Variants in EXOC2 observed in about 807,000 individuals in gnomAD.
EXOC2 encodes SEC5-like 1.
Under a neutral mutation model 131.8 loss-of-function variants are expected in EXOC2, and 70 were observed. The ratio of observed to expected loss-of-function variants is 0.53; its 90% CI spans 0.44 to 0.65. The LOEUF is 0.65. Ranked by LOEUF, EXOC2 falls within the 30% of genes least tolerant of loss-of-function variation. The pLI, the probability that EXOC2 is intolerant of heterozygous loss-of-function variation, is 0.00. For synonymous variants in EXOC2, 411 were observed against 398.4 expected, an observed-to-expected ratio of 1.03 and a Z score of -0.38; for missense variants, 923 against 1,108.6, an observed-to-expected ratio of 0.83 and a Z score of 2.38.
chr6:655,050 G>A (rs1763008862), intron 1 of EXOC2, among the ~76,000 whole-genome samples: 1 of 152,166 alleles, frequency 6.6e-6, no homozygotes, highest in Non-Finnish European at 1.5e-5. Flanking sequence ...GGCAGGGTCT[G>A]AGAGGACTGT....
At chr6:585,810 C>G (rs142284622) in intron 11 of EXOC2, among the ~76,000 whole-genome samples, 51 of 152,328 alleles carry the variant, frequency 3.3e-4, no homozygotes, top group African/African-American at 1.2e-3. Context: ...TATTTATAGT[C>G]TATCCATTTA....
Position 609,089 on chromosome 6 carries a change from C to A in EXOC2, c.742+1009G>T, listed in dbSNP as rs1760580979. Among the ~76,000 whole-genome samples, 7 of 152,140 alleles carry A rather than the reference C, an allele frequency of 4.6e-5. No individual in the cohort carries two copies. The South Asian group carries it at 1.2e-3, about 27-fold the overall frequency. On this transcript the variant is annotated intron_variant, in intron 7 of 27. Transcript: ENST00000230449. ...AAATTCCTAAATTTAGAATGAAATCCAAGTCCTCAAATGCTACTACCAAGA... is the reference window on the plus strand; with the variant it reads ...AAATTCCTAAATTTAGAATGAAATCAAAGTCCTCAAATGCTACTACCAAGA...
intron 13 of EXOC2, among the ~76,000 whole-genome samples, chr6:570,537 T>C (rs1339560085): frequency 1.3e-5 from 2 of 152,210 alleles, no homozygotes; most frequent in African/African-American, 4.8e-5. Context: ...TTACAAAATT[T>C]TGTTCACTGA....
chr6:610,128 T>C lies in EXOC2; in HGVS notation c.712A>G (p.Met238Val). 6.2e-7 allele frequency: 1 copy of C among 1,614,122 alleles called. No homozygotes were observed. Among genetic ancestry groups the C allele is most frequent in the South Asian group, 1.1e-5 (1 of 91,074 alleles). ...AGAACATTCTCCAGTTTCTGCGTCA[T>C]GGATCCTTCTACTTTTTCCGTTCCA... ...ADGTEKVEGS[M>V]TQKLENVLNR... Residue 238 changes from methionine (M) to valine (V), a missense_variant, in exon 7 of 28, where the codon ATG (methionine) becomes GTG (valine). Met to Val is a conservative substitution (Grantham distance 21, BLOSUM62 1). Coordinates refer to ENST00000230449, the MANE Select transcript of EXOC2 (RefSeq NM_018303.6).
intron 1 of EXOC2, among the ~76,000 whole-genome samples, chr6:690,056 T>C (rs1764844887): frequency 1.3e-5 from 2 of 152,202 alleles, no homozygotes; most frequent in Non-Finnish European, 2.9e-5. Context: ...TTTGACTCTG[T>C]GATTTTCAAA....
intron 11 of EXOC2, among the ~76,000 whole-genome samples, chr6:579,453 G>A (rs1758765300): frequency 6.6e-6 from 1 of 152,218 alleles, no homozygotes; most frequent in Admixed American, 6.5e-5. Context: ...CACAGCAGCA[G>A]GGAGCTAGAA....
At chr6:675,926 T>C (rs867712555) in intron 1 of EXOC2, among the ~76,000 whole-genome samples, 46 of 90,976 alleles carry the variant, frequency 5.1e-4, no homozygotes, top group East Asian at 2.6e-3. Context: ...GACTGCGGTT[T>C]CCCATACTCT....
intron 1 of EXOC2, among the ~76,000 whole-genome samples, chr6:667,188 G>T (rs2762445): frequency 0.19 from 16,926 of 89,414 alleles, 6,847 homozygotes; most frequent in Admixed American, 0.35. Flanking sequence ...TCTTCATGTA[G>T]ATCTGAGTTT....
intron 20 of EXOC2, among the ~76,000 whole-genome samples, chr6:554,808 A>G (rs1757333520): frequency 6.6e-6 from 1 of 152,248 alleles, no homozygotes; most frequent in Non-Finnish European, 1.5e-5. Context: ...GTAAACATCA[A>G]GAGCTAACAT....
intron 1 of EXOC2, among the ~76,000 whole-genome samples, chr6:647,823 A>T (rs141484238): frequency 6.6e-6 from 1 of 151,642 alleles, no homozygotes; most frequent in African/African-American, 2.4e-5. Context: ...TTACCCTCAA[A>T]ATCTGTCCAA....
intron 1 of EXOC2, among the ~76,000 whole-genome samples, chr6:672,183 C>CT (rs1391613611): frequency 6.6e-6 from 1 of 152,100 alleles, no homozygotes; most frequent in Non-Finnish European, 1.5e-5. Context: ...TTCCAGTTCA[C>CT]TGATTCTTTC....
chr6:623,004 C>T (rs540705396), intron 4 of EXOC2, among the ~76,000 whole-genome samples: 5 of 152,374 alleles, frequency 3.3e-5, no homozygotes, highest in African/African-American at 1.2e-4. Flanking sequence ...TCTCCTACCC[C>T]CAGGAGTCCC....
intron 4 of EXOC2, among the ~76,000 whole-genome samples, chr6:624,181 T>C (rs1761435917): frequency 6.6e-6 from 1 of 151,962 alleles, no homozygotes; most frequent in Non-Finnish European, 1.5e-5. Flanking sequence ...TGAATACCAA[T>C]GCCAGAGTCC....
chr6:539,485 G>A (rs533771102), intron 22 of EXOC2, among the ~76,000 whole-genome samples: 1 of 151,992 alleles, frequency 6.6e-6, no homozygotes, highest in African/African-American at 2.4e-5. Flanking sequence ...TCCATCTCAC[G>A]CACCAGGCAC....
chr6:592,690 G>C, intron 10 of EXOC2, 103 bp from the exon 11 acceptor site: 1 of 759,654 alleles, frequency 1.3e-6, no homozygotes. Flanking sequence ...CTTGTGCCCT[G>C]TCAAATATTA....
chr6:533,629 G>C (rs1008411711), intron 22 of EXOC2, among the ~76,000 whole-genome samples: 18 of 152,214 alleles, frequency 1.2e-4, no homozygotes, highest in African/African-American at 4.3e-4. Flanking sequence ...GGGAGCAGAA[G>C]AGGGTAAGGA....
At chr6:598,500 G>T (rs969034784) in intron 9 of EXOC2, among the ~76,000 whole-genome samples, 1 of 152,212 alleles carries the variant, frequency 6.6e-6, no homozygotes, top group African/African-American at 2.4e-5. Context: ...TTTAAAGGAG[G>T]TTGGAATTCT....
At chr6:539,779 G>A (rs1766699868) in intron 22 of EXOC2, among the ~76,000 whole-genome samples, 1 of 152,010 alleles carries the variant, frequency 6.6e-6, no homozygotes, top group South Asian at 2.1e-4. Context: ...TAGAAATAAG[G>A]TCATCAAACT....
At chr6:536,019 G>A (rs1479879030) in intron 22 of EXOC2, among the ~76,000 whole-genome samples, 1 of 152,082 alleles carries the variant, frequency 6.6e-6, no homozygotes, top group Non-Finnish European at 1.5e-5. Flanking sequence ...AAAATTCTCA[G>A]TAAACTAAGA....
Sources: allele counts gnomAD v4.1 joint callset (sites outside exome capture counted in the v4.1 genomes callset), GRCh38; gene constraint gnomAD v4.1.1; transcripts MANE v1.5; gene names NCBI Gene and HGNC (gene_info 2026-07-23, HGNC 2026-07-21).